SLC9C2: variants seen among roughly 807,000 people sequenced by gnomAD.
SLC9C2 encodes solute carrier family 9 member C2 (putative), also known as sodium/hydrogen exchanger 11.
SLC9C2 carries 75 observed loss-of-function variants against 140.2 expected under a neutral mutation model. The observed-to-expected ratio is 0.53, with a 90% confidence interval of 0.44 to 0.65. The LOEUF is 0.65. SLC9C2 is among the 30% of genes least tolerant of loss of function. The pLI, the probability that SLC9C2 is intolerant of heterozygous loss-of-function variation, is 0.00. For synonymous variants in SLC9C2, 375 were observed against 420.9 expected (o/e 0.89, Z 1.34); for missense variants, 1,074 against 1,331.8 (o/e 0.81, Z 3.01).
chr1:173,592,711 T>C (rs553578117), intron 4 of SLC9C2, among the ~76,000 whole-genome samples: 6 of 152,222 alleles, frequency 3.9e-5, no homozygotes, highest in Non-Finnish European at 7.3e-5. Flanking sequence ...TTTCCTATCC[T>C]GCAACTTTGC....
Position 173,521,404 on chromosome 1 carries a change from G to A in SLC9C2, c.2641-5C>T, listed in dbSNP as rs750514500. On this transcript the variant is annotated splice_polypyrimidine_tract_variant and splice_region_variant and intron_variant, in intron 21 of 27. Transcript: ENST00000367714. Reference sequence around the variant, plus strand: ...ACAGGCAAGTTTGGCTCTTTCCTGAGTGGGAAAAAAAAAAACGAAAAGAAA... The same window carrying A: ...ACAGGCAAGTTTGGCTCTTTCCTGAATGGGAAAAAAAAAAACGAAAAGAAA... The A allele has an allele frequency of 2.4e-5, 34 of 1,441,910 alleles. No homozygotes were observed. Among genetic ancestry groups the A allele is most frequent in the Non-Finnish European group, 2.9e-5 (32 of 1,094,826 alleles). The allele number at this position is 1,441,910 out of a possible 1,614,324, so 89.3% of individuals were successfully genotyped here.
At chr1:173,552,194 G>A (rs1182971273) in intron 11 of SLC9C2, among the ~76,000 whole-genome samples, 6 of 152,168 alleles carry the variant, frequency 3.9e-5, no homozygotes, top group Non-Finnish European at 7.3e-5. Context: ...GAAAAGTTAG[G>A]AGCTAGCGGA....
intron 22 of SLC9C2, among the ~76,000 whole-genome samples, chr1:173,519,086 G>A (rs1407788220): frequency 6.6e-6 from 1 of 152,064 alleles, no homozygotes; most frequent in African/African-American, 2.4e-5. Flanking sequence ...AGCTGTACCA[G>A]ATTAGTATTT....
chr1:173,580,545 G>A lies in SLC9C2; in HGVS notation c.802+1302C>T, dbSNP rs1665466776. Reference sequence around the variant, plus strand: ...TTTTTGAACTTTTAGTAGAGACAGGGTTTCACTATATTGGCCAGGCTGGTC... The same window carrying A: ...TTTTTGAACTTTTAGTAGAGACAGGATTTCACTATATTGGCCAGGCTGGTC... On this transcript the variant is annotated intron_variant, in intron 7 of 27. Transcript: ENST00000367714. Among the ~76,000 whole-genome samples the A allele has an allele frequency of 2.0e-5, 3 of 152,068 alleles. No individual in the cohort carries two copies. The South Asian group carries it at 6.2e-4, about 32-fold the overall frequency.
intron 27 of SLC9C2, 123 bp downstream of exon 27, chr1:173,503,142 AG>A: frequency 1.6e-6 from 1 of 610,758 alleles, no homozygotes; most frequent in African/African-American, 1.9e-5. Context: ...CAAATTAATG[AG>A]TTGTAGCTAG....
chr1:173,527,643 G>A (rs931486402), intron 18 of SLC9C2, among the ~76,000 whole-genome samples: 3 of 152,076 alleles, frequency 2.0e-5, no homozygotes, highest in African/African-American at 7.2e-5. Flanking sequence ...TGAGTCACTG[G>A]GGAGTTTGCA....
chr1:173,524,748 G>A (rs1661077797), intron 20 of SLC9C2, 31 bp downstream of exon 20: 1 of 1,609,744 alleles, frequency 6.2e-7, no homozygotes, highest in African/African-American at 1.3e-5. Context: ...GAAGGCTGGG[G>A]TGTTATGCGG....
In SLC9C2 at chr1:173,524,792, A is replaced by G; in HGVS notation, c.2501T>C (p.Ile834Thr). ...SRGIIDKHEV[I>T]EINKVLLKKL... is the part of the protein sequence containing the mutation. ...AAGCAAAATTACCTTATTTATCTCA[A>G]TGACTTCATGCTTATCAATAATGCC... Residue 834 changes from isoleucine (I) to threonine (T), a missense_variant, in exon 20 of 28, where the codon ATT becomes ACT. Transcript: ENST00000367714. 1 of 1,613,892 alleles carries G rather than the reference A, an allele frequency of 6.2e-7. No individual in the cohort carries two copies. The highest frequency in any genetic ancestry group is 1.1e-5 in the South Asian group (1 of 91,040).
intron 5 of SLC9C2, 137 bp from the exon 6 acceptor site, chr1:173,583,759 G>A (rs1665690866): frequency 1.9e-6 from 1 of 530,818 alleles, no homozygotes; most frequent in East Asian, 2.9e-5. Context: ...GGATGGGTCT[G>A]TAAGACAATC....
chr1:173,517,449 A>G, intron 23 of SLC9C2, 88 bp downstream of exon 23: 1 of 1,307,100 alleles, frequency 7.7e-7, no homozygotes, highest in Non-Finnish European at 1.0e-6. Flanking sequence ...GGTGACTAAG[A>G]TGTCAAAACC....
In SLC9C2 at chr1:173,503,278, C is replaced by G; in HGVS notation, c.3359G>C (p.Arg1120Thr). Residue 1120 changes from arginine (R) to threonine (T), a missense_variant, in exon 27 of 28, where the codon AGA (arginine) becomes ACA (threonine). Arg to Thr is a moderately conservative substitution (Grantham distance 71). Transcript: ENST00000367714. Reference sequence around the variant, plus strand: ...TCAAGTTTATTACCTCATCTTTTGTCTTCCATTTATATTCTTTCCTGGTTG... The same window carrying G: ...TCAAGTTTATTACCTCATCTTTTGTGTTCCATTTATATTCTTTCCTGGTTG... ...FEQPGKNINGRQKMS is the reference protein window; with the variant it reads ...FEQPGKNINGTQKMS The G allele has an allele frequency of 6.2e-7, 1 of 1,613,510 alleles. No individual in the cohort carries two copies. Among genetic ancestry groups the G allele is most frequent in the Middle Eastern group, 1.7e-4 (1 of 6,060 alleles).
rs780941560 is a variant in SLC9C2, at chr1:173,557,354, C to T, written c.1201G>A (p.Glu401Lys). The T allele has an allele frequency of 1.2e-6, 2 of 1,612,130 alleles. No homozygotes were observed. The highest frequency in any genetic ancestry group is 1.7e-6 in the Non-Finnish European group (2 of 1,179,432). The change falls in exon 10 of 28, where the codon GAA (glutamate) becomes AAA (lysine). Residue 401 changes from glutamate to lysine, a missense_variant. Transcript: ENST00000367714. ...ATCTTTCCTACCATTTGTGGTACTT[C>T]CACTTTTCGTTCAGCGAGATTATAA... is the stretch of plus-strand genomic sequence containing the variant. ...DVYNLAERKV[E>K]VPQMFILYVQ...
intron 13 of SLC9C2, among the ~76,000 whole-genome samples, chr1:173,543,617 A>G (rs1662607993): frequency 2.0e-5 from 3 of 152,220 alleles, no homozygotes; most frequent in Admixed American, 2.0e-4. Context: ...CTACAAGGCT[A>G]CAGTAACAAA....
At chr1:173,506,569 A>G (rs986587739) in intron 25 of SLC9C2, among the ~76,000 whole-genome samples, 2 of 152,244 alleles carry the variant, frequency 1.3e-5, no homozygotes, top group Admixed American at 6.5e-5. Context: ...GGGAAAACTT[A>G]CAGCATCTCA....
chr1:173,574,753 G>A (rs531594788), intron 8 of SLC9C2, among the ~76,000 whole-genome samples: 9 of 151,982 alleles, frequency 5.9e-5, no homozygotes, highest in African/African-American at 9.6e-5. Context: ...CTCGTGATTC[G>A]CCCGTCTTGG....
chr1:173,547,937 A>G (rs1326460774), intron 12 of SLC9C2, among the ~76,000 whole-genome samples, 153 bp from the exon 13 acceptor site: 2 of 152,254 alleles, frequency 1.3e-5, no homozygotes, highest in Non-Finnish European at 2.9e-5. Flanking sequence ...GTTTTTTCAT[A>G]TAAGAAGTGT....
chr1:173,597,361 A>T (rs1003269952), intron 4 of SLC9C2, among the ~76,000 whole-genome samples: 2 of 152,130 alleles, frequency 1.3e-5, no homozygotes, highest in Non-Finnish European at 2.9e-5. Context: ...AAGAAAATTT[A>T]AAACCTTAAA....
intron 24 of SLC9C2, among the ~76,000 whole-genome samples, chr1:173,509,365 A>C (rs1024202418): frequency 9.9e-5 from 15 of 152,076 alleles, no homozygotes; most frequent in African/African-American, 3.4e-4. Context: ...GAATTGCTTC[A>C]ACCTGGGAGA....
At chr1:173,592,106 C>CA (rs1666196323) in intron 4 of SLC9C2, among the ~76,000 whole-genome samples, 1 of 152,190 alleles carries the variant, frequency 6.6e-6, no homozygotes, top group African/African-American at 2.4e-5. Context: ...TATCCAAGCA[C>CA]AATTCATTGA....
Sources: allele counts gnomAD v4.1 joint callset (sites outside exome capture counted in the v4.1 genomes callset), GRCh38; gene constraint gnomAD v4.1.1; transcripts MANE v1.5; gene names NCBI Gene and HGNC (gene_info 2026-07-23, HGNC 2026-07-21).